The following CAST variants were observed in gnomAD, a reference collection of about 807,000 sequenced individuals.
The protein encoded by CAST is MIR583 host.
A neutral mutation model predicts 119.6 loss-of-function variants in CAST; 76 were observed. The ratio of observed to expected loss-of-function variants is 0.64; its 90% CI spans 0.53 to 0.77. CAST has a LOEUF of 0.77. Among genes scored for constraint, CAST ranks in the 30% least tolerant of loss-of-function variants. The pLI is 0.00. For synonymous variants in CAST, 319 were observed against 331.6 expected (o/e 0.96, Z 0.41); for missense variants, 953 against 946.5 (o/e 1.01, Z -0.09).
chr5:96,699,833 A>C (rs1340751715), intron 3 of CAST, among the ~76,000 whole-genome samples: 1 of 152,216 alleles, frequency 6.6e-6, no homozygotes, highest in Non-Finnish European at 1.5e-5. Flanking sequence ...TCCATGACAA[A>C]GGAAAACAGG....
chr5:96,721,407 T>C (rs866955102), intron 3 of CAST, among the ~76,000 whole-genome samples: 1 of 152,170 alleles, frequency 6.6e-6, no homozygotes, highest in Admixed American at 6.5e-5. Context: ...GGCCATAGAC[T>C]ATAGTGGGTT....
At chr5:96,172,868 C>T in the CAST span, among the ~76,000 whole-genome samples, 1 of 152,242 alleles carries the variant, frequency 6.6e-6, no homozygotes, top group Non-Finnish European at 1.5e-5. Flanking sequence ...CTCACTCCCA[C>T]CATTTCTGGA....
the CAST span, among the ~76,000 whole-genome samples, chr5:96,152,580 C>T: frequency 6.6e-6 from 1 of 152,166 alleles, no homozygotes; most frequent in Non-Finnish European, 1.5e-5. Context: ...ATCACATATG[C>T]AGAACCAACC....
chr5:96,362,496 T>C, the CAST span, among the ~76,000 whole-genome samples: 3 of 152,194 alleles, frequency 2.0e-5, no homozygotes, highest in Non-Finnish European at 4.4e-5. Flanking sequence ...CCAGCACCTG[T>C]TGTTTCCTGA....
At chr5:96,073,742 A>G in the CAST span, among the ~76,000 whole-genome samples, 1 of 152,188 alleles carries the variant, frequency 6.6e-6, no homozygotes, top group Admixed American at 6.5e-5. Context: ...GGTGGAGCTC[A>G]GGCGGTAATG....
chr5:96,015,961 G>A, the CAST span, among the ~76,000 whole-genome samples: 1 of 152,166 alleles, frequency 6.6e-6, no homozygotes, highest in African/African-American at 2.4e-5. Context: ...GTGTTACTGT[G>A]AGGGTATTTT....
chr5:96,119,772 A>AGATATGTG, the CAST span, among the ~76,000 whole-genome samples: 4 of 152,164 alleles, frequency 2.6e-5, no homozygotes, highest in Non-Finnish European at 5.9e-5. Context: ...AAGGTGTAGT[A>AGATATGTG]GATATGTGTT....
At chr5:96,415,073 A>T in the CAST span, among the ~76,000 whole-genome samples, 6 of 152,220 alleles carry the variant, frequency 3.9e-5, no homozygotes, top group Non-Finnish European at 1.5e-5. Flanking sequence ...ACTAAACTTG[A>T]AGCTTATAAC....
At chr5:96,110,948 G>A in the CAST span, 1 of 152,096 alleles carries the variant, frequency 6.6e-6, no homozygotes, top group Non-Finnish European at 1.5e-5. Context: ...AGAAATTCTC[G>A]AGTTCTCTTC....
the CAST span, among the ~76,000 whole-genome samples, chr5:96,503,831 G>T: frequency 6.6e-6 from 1 of 152,074 alleles, no homozygotes; most frequent in African/African-American, 2.4e-5. Flanking sequence ...TCCCTGGCCT[G>T]CACCCCACCT....
Position 96,567,406 on chromosome 5 carries a change from C to G in CAST, c.60+37526C>G, listed in dbSNP as rs568610245. 3.9e-5 allele frequency among the ~76,000 whole-genome samples: 6 copies of G among 152,208 alleles called. No individual in the cohort carries two copies. The East Asian group carries it at 5.8e-4, about 15-fold the overall frequency. ...TGGTAGTCCTTCCTTCCTGCCAGACCGTCTCTTTCCTGACCACAAAAAGGC... is the reference window on the plus strand; with the variant it reads ...TGGTAGTCCTTCCTTCCTGCCAGACGGTCTCTTTCCTGACCACAAAAAGGC... On this transcript the variant is annotated intron_variant, in intron 1 of 11. Transcript: ENST00000505143.
intron 1 of CAST, among the ~76,000 whole-genome samples, chr5:96,534,846 AAGG>A (rs778834330): frequency 1.2e-4 from 16 of 130,468 alleles, no homozygotes; most frequent in Non-Finnish European, 2.2e-4. Context: ...AGAAGGAAGG[AAGG>A]AGGGAGGGAG....
Position 96,742,678 on chromosome 5 carries a change from C to T in CAST, c.1122C>T (p.Leu374=), listed in dbSNP as rs150538389. 524 of 1,613,438 alleles carry T rather than the reference C, an allele frequency of 3.2e-4. 1 individual carries two copies. Among genetic ancestry groups the T allele is most frequent in the Non-Finnish European group, 4.0e-4 (466 of 1,179,470 alleles). ...VEKDTMSDQA[L]EALSASLGTR... is the part of the protein sequence containing the mutation. ...AGGATACAATGAGTGATCAAGCACT[C>T]GAGGCTCTGTCGGCTTCACTGGGCA... The change falls in exon 16 of 32, where the codon CTC becomes CTT. Residue 374 remains leucine, a synonymous_variant. Coordinates refer to ENST00000675179, the MANE Select transcript of CAST (RefSeq NM_001750.7).
the CAST span, among the ~76,000 whole-genome samples, chr5:96,488,029 T>C: frequency 1.1e-4 from 17 of 152,316 alleles, no homozygotes; most frequent in Admixed American, 8.5e-4. Context: ...GACTAACTCA[T>C]AAAATTTTAA....
At chr5:96,247,155 T>A in the CAST span, among the ~76,000 whole-genome samples, 1,075 of 152,372 alleles carry the variant, frequency 7.1e-3, 11 homozygotes, top group African/African-American at 0.025. Flanking sequence ...CCCGTAGCAC[T>A]GTCACTATGT....
chr5:96,718,496 C>A (rs781026347), intron 3 of CAST, among the ~76,000 whole-genome samples: 12 of 151,858 alleles, frequency 7.9e-5, no homozygotes, highest in Non-Finnish European at 1.5e-4. Flanking sequence ...CCATGACACG[C>A]AGTTTACCTG....
At chr5:95,991,769 G>A in the CAST span, among the ~76,000 whole-genome samples, 1 of 151,990 alleles carries the variant, frequency 6.6e-6, no homozygotes, top group South Asian at 2.1e-4. Flanking sequence ...GCCTCCCAAA[G>A]TGCTGGGAAT....
the CAST span, among the ~76,000 whole-genome samples, chr5:96,470,106 A>G: frequency 6.6e-6 from 1 of 151,504 alleles, no homozygotes; most frequent in Admixed American, 6.6e-5. Flanking sequence ...CCCGGGCTCA[A>G]CTTTCCCACT....
the CAST span, among the ~76,000 whole-genome samples, chr5:96,190,053 T>C: frequency 6.6e-6 from 1 of 152,176 alleles, no homozygotes; most frequent in African/African-American, 2.4e-5. Flanking sequence ...GTATTATTTT[T>C]CTTGGCTGCT....
Sources: gnomAD v4.1 joint callset for allele counts (sites outside exome capture counted in the v4.1 genomes callset) on GRCh38, gnomAD v4.1.1 for gene constraint, MANE v1.5 for transcripts, NCBI Gene and HGNC (gene_info 2026-07-23, HGNC 2026-07-21) for gene names.